Variants in COL23A1 observed in about 807,000 individuals in gnomAD.
The protein encoded by COL23A1 is collagen type XXIII alpha 1 chain.
A neutral mutation model predicts 99.3 loss-of-function variants in COL23A1; 97 were observed. The ratio of observed to expected loss-of-function variants is 0.98; its 90% confidence interval spans 0.83 to 1.16. COL23A1 has a LOEUF of 1.16. Ranked by LOEUF, COL23A1 falls within the 50% of genes most tolerant of loss-of-function variation. The probability of loss-of-function intolerance (pLI) is 0.00; values close to 1 mark genes in which losing one functional copy is unlikely to be tolerated. For synonymous variants in COL23A1, 320 were observed against 308.2 expected (o/e 1.04, Z -0.40); for missense variants, 762 against 757.4 (o/e 1.01, Z -0.07).
intron 2 of COL23A1, among the ~76,000 whole-genome samples, chr5:178,476,061 C>T (rs1272556848): frequency 2.0e-5 from 3 of 152,230 alleles, no homozygotes; most frequent in Admixed American, 6.5e-5. Flanking sequence ...ACAACAGTGA[C>T]TCCATCTTGG....
intron 2 of COL23A1, among the ~76,000 whole-genome samples, chr5:178,451,060 C>G (rs1767459552): frequency 6.6e-6 from 1 of 152,184 alleles, no homozygotes; most frequent in African/African-American, 2.4e-5. Context: ...CCTTGCAGAA[C>G]TCAATTATCA....
chr5:178,315,806 CAT>C (rs1758954144), intron 2 of COL23A1, among the ~76,000 whole-genome samples: 1 of 101,728 alleles, frequency 9.8e-6, no homozygotes, highest in African/African-American at 3.5e-5. Flanking sequence ...ATCTTTTATT[CAT>C]AGTCATGGTA....
chr5:178,482,436 C>T (rs916396091), intron 2 of COL23A1, among the ~76,000 whole-genome samples: 9 of 151,998 alleles, frequency 5.9e-5, no homozygotes, highest in Middle Eastern at 3.4e-3. Flanking sequence ...GAAAGTAGAA[C>T]GGGGGCGGGG....
rs73803003 is a variant in COL23A1, at chr5:178,378,400, C to T, written c.362-71481G>A. Among the ~76,000 whole-genome samples, 444 of 152,196 alleles carry T rather than the reference C, an allele frequency of 2.9e-3. 1 individual carries two copies. The highest frequency in any genetic ancestry group is 0.01 in the African/African-American group (422 of 41,526). On this transcript the variant is annotated intron_variant, in intron 2 of 28. Transcript: ENST00000390654. Reference sequence around the variant, plus strand: ...TGGGCCTCCTCAAGCAGGACGATACCGGTATGGGACCTGTACTTCTGCCGC... The same window carrying T: ...TGGGCCTCCTCAAGCAGGACGATACTGGTATGGGACCTGTACTTCTGCCGC...
At chr5:178,250,249 CCT>C in intron 17 of COL23A1, 144 bp from the exon 18 acceptor site, 2 of 771,460 alleles carry the variant, frequency 2.6e-6, no homozygotes, top group South Asian at 1.6e-5. Flanking sequence ...CCCACCGCCT[CCT>C]CTGTTTCCTC....
intron 2 of COL23A1, among the ~76,000 whole-genome samples, chr5:178,357,784 A>ATGTATG (rs1561894704): frequency 1.2e-4 from 17 of 139,914 alleles, no homozygotes; most frequent in Non-Finnish European, 9.4e-5. Context: ...GTGTATGTGT[A>ATGTATG]TGTGTGTGTG....
At chr5:178,264,076 C>T (rs1050557452) in intron 8 of COL23A1, among the ~76,000 whole-genome samples, 4 of 152,102 alleles carry the variant, frequency 2.6e-5, no homozygotes, top group Non-Finnish European at 4.4e-5. Flanking sequence ...GTGATTGTAA[C>T]TACAAAAGAA....
At chr5:178,242,498 C>A (rs1317456134) in intron 25 of COL23A1, 104 bp from the exon 26 acceptor site, 1 of 1,170,498 alleles carries the variant, frequency 8.5e-7, no homozygotes, top group Non-Finnish European at 1.3e-6. Context: ...CCACTTTCCC[C>A]CCTGCATATT....
chr5:178,248,187 C>G lies in COL23A1; in HGVS notation c.1212+5G>C. Reference sequence around the variant, plus strand: ...GGAAGCCCTGACCCCCCCATACCCCCTTACCAGGCTCTCCTGTAGGCTGTC... The same window carrying G: ...GGAAGCCCTGACCCCCCCATACCCCGTTACCAGGCTCTCCTGTAGGCTGTC... On this transcript the variant is annotated splice_donor_5th_base_variant and intron_variant, in intron 20 of 28. Transcript: ENST00000390654. The G allele has an allele frequency of 1.9e-6, 3 of 1,592,222 alleles. No homozygotes were observed.
intron 2 of COL23A1, among the ~76,000 whole-genome samples, chr5:178,348,121 CCT>C (rs900099212): frequency 6.6e-6 from 1 of 151,928 alleles, no homozygotes; most frequent in Non-Finnish European, 1.5e-5. Flanking sequence ...CACCCCCGCC[CCT>C]GTTCCCATCC....
At chr5:178,400,991 T>G (rs1764417530) in intron 2 of COL23A1, among the ~76,000 whole-genome samples, 1 of 152,176 alleles carries the variant, frequency 6.6e-6, no homozygotes. Context: ...CATGAAACAC[T>G]AACTCTCCAT....
chr5:178,446,694 C>G (rs1475806288), intron 2 of COL23A1, among the ~76,000 whole-genome samples: 1 of 152,124 alleles, frequency 6.6e-6, no homozygotes, highest in South Asian at 2.1e-4. Flanking sequence ...AATTTTGCAA[C>G]AAAACTTCAT....
intron 2 of COL23A1, among the ~76,000 whole-genome samples, chr5:178,532,447 CAG>C (rs1196862451): frequency 6.6e-6 from 1 of 152,106 alleles, no homozygotes; most frequent in East Asian, 1.9e-4. Context: ...AACAACAGTC[CAG>C]AGACACAGAC....
chr5:178,277,436 TA>T (rs1439399110), intron 5 of COL23A1, among the ~76,000 whole-genome samples: 4 of 152,260 alleles, frequency 2.6e-5, no homozygotes, highest in African/African-American at 9.6e-5. Context: ...ACCTTTTACA[TA>T]AACGTCCAGA....
In COL23A1 at chr5:178,325,046, G is replaced by A. The variant is rs141324995; in HGVS notation, c.362-18127C>T. 1.8e-3 allele frequency among the ~76,000 whole-genome samples: 277 copies of A among 152,332 alleles called. 3 individuals carry two copies. Among genetic ancestry groups the A allele is most frequent in the African/African-American group, 6.4e-3 (265 of 41,588 alleles). On this transcript the variant is annotated intron_variant, in intron 2 of 28. Transcript: ENST00000390654. ...TATCACTATTCCCAGCTTTGCAGCTGTGCACTGCAGCCCCAAGAGGCTGAG... is the reference window on the plus strand; with the variant it reads ...TATCACTATTCCCAGCTTTGCAGCTATGCACTGCAGCCCCAAGAGGCTGAG...
In COL23A1 at chr5:178,247,847, GACAGGTTAGTCACCC is replaced by G; in HGVS notation, c.1213-31_1213-17del. 6.2e-7 allele frequency: 1 copy of G among 1,609,124 alleles called. No homozygotes were observed. The highest frequency in any genetic ancestry group is 1.1e-5 in the South Asian group (1 of 90,418). Reference sequence around the variant, plus strand: ...TGAGCTGAGCCTAGGGAGGGTGAGAGACAGGTTAGTCACCCACCGCCTGTCACCCTCACCTACCCG... The same window carrying G: ...TGAGCTGAGCCTAGGGAGGGTGAGAGACCGCCTGTCACCCTCACCTACCCG... On this transcript the variant is annotated splice_polypyrimidine_tract_variant and intron_variant, in intron 20 of 28. Transcript: ENST00000390654.
chr5:178,361,862 G>A (rs1455945817), intron 2 of COL23A1, among the ~76,000 whole-genome samples: 4 of 152,090 alleles, frequency 2.6e-5, no homozygotes, highest in Admixed American at 1.3e-4. Context: ...GTCAGCAGGC[G>A]GGCAGGCTCC....
intron 2 of COL23A1, among the ~76,000 whole-genome samples, chr5:178,486,828 T>G (rs1757657544): frequency 6.6e-6 from 1 of 152,182 alleles, no homozygotes; most frequent in Admixed American, 6.5e-5. Context: ...ACCTACTGTG[T>G]CTCGCCTTGG....
chr5:178,328,217 C>T (rs574743741), intron 2 of COL23A1, among the ~76,000 whole-genome samples: 67 of 152,312 alleles, frequency 4.4e-4, no homozygotes, highest in African/African-American at 1.6e-3. Flanking sequence ...CACTCCCACA[C>T]GTCCCCACTG....
Sources: gnomAD v4.1 joint callset for allele counts (sites outside exome capture counted in the v4.1 genomes callset) on GRCh38, gnomAD v4.1.1 for gene constraint, MANE v1.5 for transcripts, NCBI Gene and HGNC (gene_info 2026-07-23, HGNC 2026-07-21) for gene names.